Variants in CSMD1 observed in about 807,000 individuals in gnomAD.
CSMD1 encodes the protein CUB and sushi domain-containing protein 1.
CSMD1 carries 213 observed loss-of-function variants against 417.5 expected under a neutral mutation model. That is an observed-to-expected ratio of 0.51 (90% CI 0.46 to 0.57). The LOEUF is 0.57. Among genes scored for constraint, CSMD1 ranks in the 20% least tolerant of loss-of-function variants. CSMD1 has a pLI of 0.00. For synonymous variants in CSMD1, 2,862 were observed against 1,736.8 expected (o/e 1.65, Z -16.11); for missense variants, 6,923 against 4,529.7 (o/e 1.53, Z -15.17).
intron 2 of CSMD1, among the ~76,000 whole-genome samples, chr8:4,490,198 A>C (rs930574654): frequency 1.3e-5 from 2 of 151,978 alleles, no homozygotes; most frequent in African/African-American, 4.8e-5. Context: ...CCGCCACTGC[A>C]GCCAGCTAAT....
chr8:4,066,653 T>C (rs1460868427), intron 3 of CSMD1, among the ~76,000 whole-genome samples: 1 of 152,198 alleles, frequency 6.6e-6, no homozygotes, highest in Non-Finnish European at 1.5e-5. Context: ...TGGATGTTTT[T>C]GCTCATCAAA....
intron 3 of CSMD1, among the ~76,000 whole-genome samples, chr8:4,108,170 A>C (rs1438634376): frequency 6.6e-6 from 1 of 152,020 alleles, no homozygotes; most frequent in East Asian, 1.9e-4. Flanking sequence ...TTTTATTTTT[A>C]TTAAGTTGTA....
At chr8:3,325,279 T>C (rs1806451747) in intron 23 of CSMD1, among the ~76,000 whole-genome samples, 1 of 152,198 alleles carries the variant, frequency 6.6e-6, no homozygotes, top group African/African-American at 2.4e-5. Context: ...ACAATCACAA[T>C]CACTTTTTAT....
At chr8:3,409,192 A>C (rs982362618) in intron 13 of CSMD1, among the ~76,000 whole-genome samples, 1 of 152,228 alleles carries the variant, frequency 6.6e-6, no homozygotes. Context: ...GAAACGTTCA[A>C]GTACATTTTG....
chr8:4,306,852 T>C (rs1298569647), intron 3 of CSMD1, among the ~76,000 whole-genome samples: 1 of 149,476 alleles, frequency 6.7e-6, no homozygotes, highest in Non-Finnish European at 1.5e-5. Context: ...AATCTAATAA[T>C]TTTTCAATCT....
chr8:2,939,060 G>T (rs1163275824), intron 69 of CSMD1, among the ~76,000 whole-genome samples: 1 of 152,158 alleles, frequency 6.6e-6, no homozygotes, highest in Non-Finnish European at 1.5e-5. Flanking sequence ...GACCTCTTGG[G>T]CTCAGGCGAT....
intron 10 of CSMD1, among the ~76,000 whole-genome samples, chr8:3,565,643 G>C (rs1799674380): frequency 6.6e-6 from 1 of 152,160 alleles, no homozygotes; most frequent in Non-Finnish European, 1.5e-5. Context: ...CATAAAAGAA[G>C]TTAAAGCTCC....
chr8:3,722,753 C>T (rs1802261900), intron 6 of CSMD1, among the ~76,000 whole-genome samples: 1 of 152,188 alleles, frequency 6.6e-6, no homozygotes, highest in Admixed American at 6.5e-5. Context: ...CTAATATTAG[C>T]ATTAATGCTA....
intron 4 of CSMD1, among the ~76,000 whole-genome samples, chr8:4,023,648 G>A (rs1320146188): frequency 2.7e-5 from 4 of 148,672 alleles, no homozygotes; most frequent in African/African-American, 1.0e-4. Flanking sequence ...GTGCAGTGGC[G>A]CGATCTCGGC....
At chr8:4,075,414 C>A (rs1470326457) in intron 3 of CSMD1, among the ~76,000 whole-genome samples, 1 of 151,862 alleles carries the variant, frequency 6.6e-6, no homozygotes, top group Non-Finnish European at 1.5e-5. Context: ...TTTTTAATAT[C>A]AAAATAAATT....
intron 3 of CSMD1, among the ~76,000 whole-genome samples, chr8:4,235,372 T>C (rs1419705648): frequency 6.8e-6 from 1 of 146,508 alleles, no homozygotes; most frequent in African/African-American, 2.5e-5. Context: ...TTTTTTTTTG[T>C]TTGTTTGTTT....
intron 5 of CSMD1, among the ~76,000 whole-genome samples, chr8:3,806,277 T>G (rs1409939179): frequency 6.6e-6 from 1 of 152,212 alleles, no homozygotes; most frequent in African/African-American, 2.4e-5. Context: ...GGCCTAGTTT[T>G]CATTCTGTCT....
chr8:4,786,652 C>T (rs913334611), intron 1 of CSMD1, among the ~76,000 whole-genome samples: 1 of 152,198 alleles, frequency 6.6e-6, no homozygotes, highest in African/African-American at 2.4e-5. Context: ...TGAATCCAAT[C>T]TAGAATACGT....
At chr8:4,972,485 TGAA>T (rs1318487114) in intron 1 of CSMD1, among the ~76,000 whole-genome samples, 2 of 152,208 alleles carry the variant, frequency 1.3e-5, no homozygotes, top group Non-Finnish European at 2.9e-5. Flanking sequence ...TGCCATCTTG[TGAA>T]GAAGGTGCCT....
At chr8:3,334,767 G>C (rs1398410220) in intron 23 of CSMD1, among the ~76,000 whole-genome samples, 1 of 152,212 alleles carries the variant, frequency 6.6e-6, no homozygotes, top group South Asian at 2.1e-4. Context: ...TGAATTTGCA[G>C]AGTAAGTAGA....
rs572898558 is a variant in CSMD1 at position 4,809,220 on chromosome 8, A to T, written c.86-171662T>A. 2.0e-5 allele frequency among the ~76,000 whole-genome samples: 3 copies of T among 152,332 alleles called. No homozygotes were observed. In the East Asian group the frequency reaches 5.8e-4, roughly 29 times the overall value. On this transcript the variant is annotated intron_variant, in intron 1 of 69. Coordinates refer to ENST00000635120, the MANE Select transcript of CSMD1 (RefSeq NM_033225.6). ...ATTCACTGATATTATTCTTTAGGAGAAAAGATAGAGTTTTATGAATTAGGA... is the reference window on the plus strand; with the variant it reads ...ATTCACTGATATTATTCTTTAGGAGTAAAGATAGAGTTTTATGAATTAGGA...
chr8:4,251,697 A>G (rs557669464), intron 3 of CSMD1, among the ~76,000 whole-genome samples: 1 of 152,232 alleles, frequency 6.6e-6, no homozygotes, highest in South Asian at 2.1e-4. Context: ...GACCTTGGAC[A>G]GTTAAATGTA....
intron 3 of CSMD1, among the ~76,000 whole-genome samples, chr8:4,161,498 A>G (rs1171717952): frequency 2.0e-5 from 3 of 152,196 alleles, no homozygotes; most frequent in East Asian, 1.9e-4. Context: ...AGATAAAAGA[A>G]AAAGGACTGA....
intron 1 of CSMD1, among the ~76,000 whole-genome samples, chr8:4,798,147 T>C (rs528333390): frequency 1.4e-3 from 213 of 152,362 alleles, no homozygotes; most frequent in Non-Finnish European, 2.4e-3. Context: ...TATCTCCTAA[T>C]GCTATCCCTC....
Sources: allele counts gnomAD v4.1 joint callset (sites outside exome capture counted in the v4.1 genomes callset), GRCh38; gene constraint gnomAD v4.1.1; transcripts MANE v1.5; gene names NCBI Gene and HGNC (gene_info 2026-07-23, HGNC 2026-07-21).